CTNNA1: variants seen among roughly 807,000 people sequenced by gnomAD.
CTNNA1 encodes the protein catenin alpha-1.
Under a neutral mutation model 98.4 loss-of-function variants are expected in CTNNA1, and 37 were observed. The observed-to-expected ratio is 0.38, with a 90% CI of 0.29 to 0.49. The LOEUF is 0.49. CTNNA1 is among the 20% of genes least tolerant of loss of function. CTNNA1 has a pLI of 0.95. For synonymous variants in CTNNA1, 404 were observed against 413.2 expected (o/e 0.98, Z 0.27); for missense variants, 761 against 1,147.2 (o/e 0.66, Z 4.86).
At chr5:138,777,730 C>T (rs1341774334) in intron 1 of CTNNA1, among the ~76,000 whole-genome samples, 10 of 151,280 alleles carry the variant, frequency 6.6e-5, no homozygotes, top group East Asian at 2.0e-4. Flanking sequence ...TGGCGGTGCG[C>T]GCCTGCAATC....
intron 7 of CTNNA1, among the ~76,000 whole-genome samples, chr5:138,846,360 CA>C (rs1762729607): frequency 6.6e-6 from 1 of 152,186 alleles, no homozygotes. Flanking sequence ...TGTACACTAT[CA>C]ATGGGTGAAT....
At chr5:138,811,470 C>T (rs1367632913) in intron 4 of CTNNA1, among the ~76,000 whole-genome samples, 4 of 1,204 alleles carry the variant, frequency 3.3e-3, no homozygotes, top group African/African-American at 5.6e-3. Flanking sequence ...ACGTCCCAGA[C>T]GATGGGTGGC....
At chr5:138,803,246 T>C (rs186277114) in intron 3 of CTNNA1, among the ~76,000 whole-genome samples, 1 of 152,098 alleles carries the variant, frequency 6.6e-6, no homozygotes, top group African/African-American at 2.4e-5. Context: ...CTTGGCTTCC[T>C]GGGCTCAAGC....
intron 1 of CTNNA1, among the ~76,000 whole-genome samples, chr5:138,767,184 C>T (rs1257103271): frequency 7.9e-5 from 12 of 152,078 alleles, no homozygotes; most frequent in Admixed American, 6.6e-4. Flanking sequence ...TACAGGCGCC[C>T]GCCATCACGC....
At chr5:138,862,114 T>A (rs1278057751) in intron 7 of CTNNA1, among the ~76,000 whole-genome samples, 1 of 152,240 alleles carries the variant, frequency 6.6e-6, no homozygotes, top group African/African-American at 2.4e-5. Flanking sequence ...ATAGGTTAAT[T>A]CTGAGCAAGC....
chr5:138,869,221 G>C (rs1765105519), intron 7 of CTNNA1: 1 of 150,696 alleles, frequency 6.6e-6, no homozygotes, highest in Non-Finnish European at 1.5e-5. Flanking sequence ...AGTTGAAAGA[G>C]TTGCAGAGGT....
intron 7 of CTNNA1, among the ~76,000 whole-genome samples, chr5:138,879,682 T>C (rs1438228456): frequency 1.3e-5 from 2 of 152,204 alleles, no homozygotes; most frequent in African/African-American, 2.4e-5. Context: ...GGTCTCGAAC[T>C]CTTGGCTTCA....
At chr5:138,787,569 C>G (rs960867636) in intron 3 of CTNNA1, among the ~76,000 whole-genome samples, 11 of 152,102 alleles carry the variant, frequency 7.2e-5, no homozygotes, top group Non-Finnish European at 1.6e-4. Context: ...GTTTGCTAAC[C>G]CTGATATAGG....
chr5:138,815,063 A>G (rs958575654), intron 5 of CTNNA1, among the ~76,000 whole-genome samples: 2 of 152,140 alleles, frequency 1.3e-5, no homozygotes, highest in African/African-American at 2.4e-5. Flanking sequence ...GGAATTTTGT[A>G]TGCTATTCAA....
intron 13 of CTNNA1, among the ~76,000 whole-genome samples, chr5:138,928,590 C>T (rs561701607): frequency 3.0e-4 from 45 of 152,186 alleles, no homozygotes; most frequent in Admixed American, 1.6e-3. Flanking sequence ...CAGGACAGTT[C>T]TCATCTTTGT....
At chr5:138,759,263 G>T (rs1752052976) in intron 1 of CTNNA1, among the ~76,000 whole-genome samples, 1 of 152,114 alleles carries the variant, frequency 6.6e-6, no homozygotes. Flanking sequence ...CATTCCCAGG[G>T]TTTGCTGGAT....
intron 7 of CTNNA1, among the ~76,000 whole-genome samples, chr5:138,852,918 A>G (rs1763371351): frequency 7.6e-6 from 1 of 132,120 alleles, no homozygotes; most frequent in South Asian, 2.5e-4. Context: ...AAGTGGGATC[A>G]TTGTTCACAA....
At chr5:138,785,211 G>A (rs538894874) in intron 3 of CTNNA1, among the ~76,000 whole-genome samples, 4 of 151,106 alleles carry the variant, frequency 2.6e-5, no homozygotes, top group East Asian at 3.9e-4. Context: ...ACAGGCGCCC[G>A]CCACTACGCC....
At chr5:138,779,564 C>G (rs948155400) in intron 1 of CTNNA1, among the ~76,000 whole-genome samples, 40 of 152,044 alleles carry the variant, frequency 2.6e-4, no homozygotes, top group African/African-American at 9.4e-4. Context: ...AATGGGATCT[C>G]TCTGTGTGGC....
At chr5:138,840,052 T>C (rs1262410338) in intron 7 of CTNNA1, among the ~76,000 whole-genome samples, 1 of 152,238 alleles carries the variant, frequency 6.6e-6, no homozygotes, top group Non-Finnish European at 1.5e-5. Context: ...GCTGCCCCTC[T>C]AACTGACCTT....
rs1554089802 is a variant in CTNNA1, at chr5:138,852,867, G to GCA, written c.1062+25150_1062+25151insAC. ...GCTTCCCTTCCCTCTTTTCGCGCGC[G>GCA]CGCGCACACACACATTTTTGCATAG... is the stretch of plus-strand genomic sequence containing the variant. On this transcript the variant is annotated intron_variant, in intron 7 of 17. Transcript: ENST00000302763. Among the ~76,000 whole-genome samples, 85 of 28,902 alleles carry GCA rather than the reference G, an allele frequency of 2.9e-3. 1 individual carries two copies. Among genetic ancestry groups the GCA allele is most frequent in the African/African-American group, 8.1e-3 (83 of 10,212 alleles). The allele number at this position is 28,902 out of a possible 152,430, so 19.0% of individuals were successfully genotyped here.
chr5:138,814,463 A>T (rs758673231), intron 5 of CTNNA1, among the ~76,000 whole-genome samples: 6 of 152,136 alleles, frequency 3.9e-5, no homozygotes, highest in Non-Finnish European at 7.3e-5. Context: ...GAGCTAATTG[A>T]TCCTGAGAAG....
chr5:138,903,176 C>T (rs879427947), intron 9 of CTNNA1, among the ~76,000 whole-genome samples: 6 of 152,064 alleles, frequency 3.9e-5, no homozygotes, highest in Admixed American at 3.9e-4. Flanking sequence ...TCTTTTGTTT[C>T]TCCTTGTGTT....
chr5:138,794,531 T>C (rs1756724415), intron 3 of CTNNA1, among the ~76,000 whole-genome samples: 1 of 152,202 alleles, frequency 6.6e-6, no homozygotes, highest in South Asian at 2.1e-4. Context: ...AAGTGTGTTA[T>C]TCAGGATCAT....
Sources: allele counts gnomAD v4.1 joint callset (sites outside exome capture counted in the v4.1 genomes callset), GRCh38; gene constraint gnomAD v4.1.1; transcripts MANE v1.5; gene names NCBI Gene and HGNC (gene_info 2026-07-23, HGNC 2026-07-21).